NLRP8: variants seen among roughly 807,000 people sequenced by gnomAD.
NLRP8 encodes NACHT, LRR and PYD domains-containing protein 8.
A neutral mutation model predicts 88.7 loss-of-function variants in NLRP8; 86 were observed. The ratio of observed to expected loss-of-function variants is 0.97; its 90% confidence interval spans 0.81 to 1.16. The LOEUF (loss-of-function observed/expected upper bound fraction) is 1.16. Among genes scored for constraint, NLRP8 ranks in the 50% most tolerant of loss-of-function variants. NLRP8 has a pLI of 0.00. For missense variants in NLRP8, 1,342 were observed against 1,286.5 expected (o/e 1.04, Z -0.66); for synonymous variants, 504 against 494.6 (o/e 1.02, Z -0.25).
chr19:55,965,164 T>C (rs975894063), intron 4 of NLRP8, among the ~76,000 whole-genome samples: 3 of 151,886 alleles, frequency 2.0e-5, no homozygotes, highest in African/African-American at 7.3e-5. Context: ...AAGTTGAGCT[T>C]TGTAGGCCGG....
intron 3 of NLRP8, among the ~76,000 whole-genome samples, chr19:55,958,599 G>A (rs563524623): frequency 1.3e-5 from 2 of 152,136 alleles, no homozygotes; most frequent in East Asian, 1.9e-4. Flanking sequence ...ACACTGCCGC[G>A]GCAGGACTGA....
intron 4 of NLRP8, among the ~76,000 whole-genome samples, chr19:55,965,950 C>T (rs970840564): frequency 6.6e-6 from 1 of 152,044 alleles, no homozygotes; most frequent in African/African-American, 2.4e-5. Flanking sequence ...ATGATGGTTC[C>T]AACCCAAATG....
At chr19:55,948,375 C>T (rs1978948181) in intron 1 of NLRP8, 106 bp downstream of exon 1, 1 of 1,190,136 alleles carries the variant, frequency 8.4e-7, no homozygotes, top group Admixed American at 2.2e-5. Flanking sequence ...AGCAAGAAAG[C>T]AAACAGTGGA....
chr19:55,988,237 A>AAAG lies in NLRP8; in HGVS notation c.*326_*327insGAA. ...TGAAACCCCGCCTCTACTAAAAAAAAAAATACAAAAAATTAGGCGTGGTGG... is the reference window on the plus strand; with the variant it reads ...TGAAACCCCGCCTCTACTAAAAAAAAAAGAAATACAAAAAATTAGGCGTGGTGG... On this transcript the variant is annotated 3_prime_UTR_variant, in exon 10 of 10. Transcript: ENST00000291971. The AAAG allele has an allele frequency of 5.9e-6, 1 of 168,120 alleles. No homozygotes were observed. The highest frequency in any genetic ancestry group is 1.3e-5 in the Non-Finnish European group (1 of 78,326). The allele number at this position is 168,120 out of a possible 1,614,324, so 10.4% of individuals were successfully genotyped here. A position where few individuals can be genotyped will look rare whatever the true frequency, so the allele number is the denominator to read the frequency against.
intron 9 of NLRP8, among the ~76,000 whole-genome samples, chr19:55,982,095 G>A (rs10404323): frequency 0.024 from 3,620 of 152,142 alleles, 148 homozygotes; most frequent in African/African-American, 0.077. Context: ...GCAGAGACAG[G>A]GTTTCACCAC....
intron 1 of NLRP8, among the ~76,000 whole-genome samples, chr19:55,950,551 C>T (rs142674016): frequency 1.6e-3 from 245 of 152,316 alleles, no homozygotes; most frequent in Middle Eastern, 0.01. Context: ...ATACTTACAG[C>T]GCTTTCAAGA....
intron 8 of NLRP8, among the ~76,000 whole-genome samples, chr19:55,979,008 T>C (rs996366515): frequency 6.6e-6 from 1 of 152,210 alleles, no homozygotes. Flanking sequence ...TGTATTTTGT[T>C]ACCTGTCTCC....
rs531153698 is a variant in NLRP8 at position 55,975,516 on chromosome 19, A to C, written c.2706-617A>C. 8.3e-4 allele frequency among the ~76,000 whole-genome samples: 126 copies of C among 152,258 alleles called. 5 individuals are homozygous for C. The South Asian group carries it at 0.026, about 31-fold the overall frequency. ...ATTATTCATAGTACTCATAATACCC[A>C]AGACCTGGAAACAACCTGTGTCTGT... On this transcript the variant is annotated intron_variant, in intron 7 of 9. Transcript: ENST00000291971.
intron 1 of NLRP8, among the ~76,000 whole-genome samples, chr19:55,952,123 CAGTT>C (rs1335011837): frequency 2.0e-5 from 3 of 152,112 alleles, no homozygotes; most frequent in Non-Finnish European, 4.4e-5. Context: ...GTTCCATCCT[CAGTT>C]GGTTGATCCC....
intron 3 of NLRP8, among the ~76,000 whole-genome samples, chr19:55,960,762 CT>C (rs1421371984): frequency 6.6e-6 from 1 of 151,974 alleles, no homozygotes; most frequent in Non-Finnish European, 1.5e-5. Flanking sequence ...CTAAAAATTG[CT>C]TTTTCATCTC....
intron 3 of NLRP8, among the ~76,000 whole-genome samples, chr19:55,958,113 G>A (rs956805710): frequency 2.6e-5 from 4 of 152,252 alleles, no homozygotes; most frequent in East Asian, 1.9e-4. Context: ...TTTGACCCCC[G>A]TGGCTATGAC....
rs113655797 is a variant in NLRP8, at chr19:55,966,441, C to T, written c.2381+61C>T. On this transcript the variant is annotated intron_variant, in intron 5 of 9. Transcript: ENST00000291971. ...GGTACCCGGATGGTCTTTTCAAGGG[C>T]GGTGATGAGAGGCTCAGTTTCCCTC... 787 of 1,491,144 alleles carry T rather than the reference C, an allele frequency of 5.3e-4. 3 individuals are homozygous for T. In the African/African-American group the frequency reaches 8.6e-3, roughly 16 times the overall value. The allele number at this position is 1,491,144 out of a possible 1,614,324, so 92.4% of individuals were successfully genotyped here.
chr19:55,980,651 G>A (rs890392968), intron 9 of NLRP8, among the ~76,000 whole-genome samples: 3 of 152,190 alleles, frequency 2.0e-5, no homozygotes, highest in East Asian at 1.9e-4. Context: ...CCTCCAGAAC[G>A]AGAGGCTGAG....
chr19:55,953,771 G>A (rs934436850), intron 2 of NLRP8, among the ~76,000 whole-genome samples: 1 of 146,564 alleles, frequency 6.8e-6, no homozygotes, highest in African/African-American at 2.5e-5. Flanking sequence ...GGGATTACAG[G>A]CGTAAGCCAC....
Position 55,955,304 on chromosome 19 carries a change from C to A in NLRP8, c.1246C>A (p.Leu416Ile), listed in dbSNP as rs763085013. The A allele has an allele frequency of 2.5e-6, 4 of 1,614,204 alleles. No homozygotes were observed. The South Asian group carries it at 4.4e-5, about 18-fold the overall frequency. Residue 416 changes from leucine to isoleucine, a missense_variant, in exon 3 of 10, where the codon CTC becomes ATC. Transcript: ENST00000291971. The stretch of plus-strand genomic sequence containing the variant: ...ACAGCAAATGGAGAGAGGAAACAAT[C>A]TCACACAGTCATGTCCAAATGCCAC...
chr19:55,949,691 G>A (rs1023167849), intron 1 of NLRP8, among the ~76,000 whole-genome samples: 3 of 151,972 alleles, frequency 2.0e-5, no homozygotes, highest in African/African-American at 4.8e-5. Context: ...GATAGGAGCT[G>A]TGAACCCGCC....
chr19:55,967,587 C>T (rs1979900858), intron 5 of NLRP8, among the ~76,000 whole-genome samples: 1 of 151,906 alleles, frequency 6.6e-6, no homozygotes, highest in Non-Finnish European at 1.5e-5. Flanking sequence ...TTTCTTTATC[C>T]ATTTGTCTGT....
intron 5 of NLRP8, among the ~76,000 whole-genome samples, chr19:55,969,674 C>T (rs1471749836): frequency 6.6e-6 from 1 of 152,216 alleles, no homozygotes; most frequent in Non-Finnish European, 1.5e-5. Flanking sequence ...TCAGACCCCA[C>T]TTTCCAGCCT....
intron 9 of NLRP8, among the ~76,000 whole-genome samples, chr19:55,981,515 A>C (rs76808908): frequency 0.011 from 1,696 of 152,340 alleles, 38 homozygotes; most frequent in African/African-American, 0.038. Context: ...CAAGGGTATT[A>C]GAAAAATTTA....
Sources: gnomAD v4.1 joint callset for allele counts (sites outside exome capture counted in the v4.1 genomes callset) on GRCh38, gnomAD v4.1.1 for gene constraint, MANE v1.5 for transcripts, NCBI Gene and HGNC (gene_info 2026-07-23, HGNC 2026-07-21) for gene names.